The following MYBPC2 variants were observed in gnomAD, a reference collection of about 807,000 sequenced individuals.
The protein encoded by MYBPC2 is myosin binding protein C2.
MYBPC2 carries 122 observed loss-of-function variants against 137.0 expected under a neutral mutation model. That is an observed-to-expected ratio of 0.89 (90% CI 0.77 to 1.03). The LOEUF is 1.03. MYBPC2 is among the 50% of genes least tolerant of loss of function. The pLI is 0.00. For synonymous variants in MYBPC2, 626 were observed against 612.3 expected (o/e 1.02, Z -0.33); for missense variants, 1,500 against 1,534.4 (o/e 0.98, Z 0.37).
At chr19:50,433,107 G>A in intron 1 of MYBPC2, 135 bp downstream of exon 1, 1 of 1,135,680 alleles carries the variant, frequency 8.8e-7, no homozygotes, top group Non-Finnish European at 1.2e-6. Context: ...TTTGCTGTGC[G>A]GGATGGGGGT....
At chr19:50,439,930 C>T (rs936217322) in intron 7 of MYBPC2, among the ~76,000 whole-genome samples, 1 of 152,072 alleles carries the variant, frequency 6.6e-6, no homozygotes, top group Non-Finnish European at 1.5e-5. Context: ...GAAGAGGAGT[C>T]TGGGAGGAAG....
At position 50,461,600 on chromosome 19, in the gene MYBPC2, T is replaced by C. The variant is rs940606299; in HGVS notation, c.2990T>C (p.Ile997Thr). 24 of 1,613,432 alleles carry C rather than the reference T, an allele frequency of 1.5e-5. No homozygotes were observed. The African/African-American group carries it at 2.1e-4, about 14-fold the overall frequency. The change falls in exon 25 of 28, where the codon ATC becomes ACC. Residue 997 changes from isoleucine (I) to threonine (T), a missense_variant. Coordinates refer to ENST00000357701, the MANE Select transcript of MYBPC2 (RefSeq NM_004533.4). Reference sequence around the variant, plus strand: ...ACTAGCTGTACTGTGTCCGACCTTATCGTGGGCAATGAATACTATTTCCGA... The same window carrying C: ...ACTAGCTGTACTGTGTCCGACCTTACCGTGGGCAATGAATACTATTTCCGA... Reference protein sequence around the residue: ...RHTSCTVSDLIVGNEYYFRVY... With the variant: ...RHTSCTVSDLTVGNEYYFRVY...
intron 20 of MYBPC2, among the ~76,000 whole-genome samples, chr19:50,456,398 A>G (rs1332916110): frequency 2.4e-5 from 3 of 123,934 alleles, no homozygotes; most frequent in Non-Finnish European, 5.0e-5. Context: ...CCATCCATCC[A>G]TCCATCTGTC....
chr19:50,457,680 G>GTTT (rs544491551), intron 20 of MYBPC2, among the ~76,000 whole-genome samples: 4,621 of 126,380 alleles, frequency 0.037, 356 homozygotes, highest in African/African-American at 0.13. Context: ...CCTGGGGAAA[G>GTTT]TTTTTTTTTT....
chr19:50,436,753 C>A lies in MYBPC2; in HGVS notation c.463+19C>A. ...GTGGAGGGTATGCTGGTGGGGGATG[C>A]GGGAGCAAAGGGTTCTATGTCTGGG... On this transcript the variant is annotated intron_variant, in intron 5 of 27. Coordinates refer to ENST00000357701, the MANE Select transcript of MYBPC2 (RefSeq NM_004533.4). 1.2e-6 allele frequency: 2 copies of A among 1,607,032 alleles called. No individual in the cohort carries two copies. The highest frequency in any genetic ancestry group is 1.3e-5 in the African/African-American group (1 of 74,868).
Position 50,459,128 on chromosome 19 carries a change from G to A in MYBPC2, c.2613G>A (p.Gln871=). The part of the protein sequence containing the change: ...VVPFQGKPRP[Q]VVWTKGGAPL... ...CCCCGCAGGGAAAGCCCCGGCCCCAGGTGGTGTGGACCAAGGGCGGGGCCC... is the reference window on the plus strand; with the variant it reads ...CCCCGCAGGGAAAGCCCCGGCCCCAAGTGGTGTGGACCAAGGGCGGGGCCC... The change falls in exon 23 of 28, where the codon CAG becomes CAA. Residue 871 remains glutamine (Q), a synonymous_variant. Transcript: ENST00000357701. 6.5e-7 allele frequency: 1 copy of A among 1,546,338 alleles called. No homozygotes were observed. The highest frequency in any genetic ancestry group is 8.7e-7 in the Non-Finnish European group (1 of 1,146,410).
chr19:50,454,841 G>A (rs528527857), intron 18 of MYBPC2, among the ~76,000 whole-genome samples: 1 of 152,108 alleles, frequency 6.6e-6, no homozygotes, highest in East Asian at 1.9e-4. Context: ...TTTACTCGCT[G>A]GTGACCTGGG....
At chr19:50,446,818 CAAA>C (rs746953730) in intron 12 of MYBPC2, among the ~76,000 whole-genome samples, 1 of 102,478 alleles carries the variant, frequency 9.8e-6, no homozygotes, top group Non-Finnish European at 1.9e-5. Flanking sequence ...GACTCTGTCT[CAAA>C]AAAAAAAAAA....
intron 11 of MYBPC2, among the ~76,000 whole-genome samples, chr19:50,444,344 G>T (rs536984534): frequency 6.8e-6 from 1 of 146,950 alleles, no homozygotes; most frequent in Non-Finnish European, 1.5e-5. Flanking sequence ...CCATCCCATT[G>T]ACCCATTCAT....
At position 50,436,005 on chromosome 19, in the gene MYBPC2, C is replaced by T. The variant is rs375627314; in HGVS notation, c.197-7C>T. On this transcript the variant is annotated splice_polypyrimidine_tract_variant and splice_region_variant and intron_variant, in intron 3 of 27. Transcript: ENST00000357701. ...TCCCACTCTACCCTGTCACTCACCC[C>T]ATGTAGGGAAGGACGCAGTGGTCGT... is the stretch of plus-strand genomic sequence containing the variant. The T allele has an allele frequency of 1.1e-5, 18 of 1,574,600 alleles. No homozygotes were observed. In the African/African-American group the frequency reaches 2.3e-4, roughly 20 times the overall value.
Position 50,435,202 on chromosome 19 carries a change from GCC to G in MYBPC2, c.65_66del (p.Pro22GlnfsTer6). On this transcript the variant is annotated frameshift_variant, in exon 2 of 28. Coordinates refer to ENST00000357701, the MANE Select transcript of MYBPC2 (RefSeq NM_004533.4). LOFTEE classifies it high-confidence loss of function. This position sits in a 1 kb window ranked among gnomAD's most constrained non-coding sequence, Gnocchi z 4.8. ...CAAAGGCAAAGATGCCCCCAAAGGAGCCCCCAAGGAGGCTCCCCCTAAGGAGG... is the reference window on the plus strand; with the variant it reads ...CAAAGGCAAAGATGCCCCCAAAGGAGCCCAAGGAGGCTCCCCCTAAGGAGG... The part of the protein sequence containing the change: ...APKGKDAPKG[A>X]PKEAPPKEAP... 6.9e-7 allele frequency: 1 copy of G among 1,438,998 alleles called. No homozygotes were observed. The highest frequency in any genetic ancestry group is 9.7e-7 in the Non-Finnish European group (1 of 1,026,132). 89.1% of individuals were successfully genotyped at this position (1,438,998 alleles called of 1,614,324 possible). A position where few individuals can be genotyped will look rare whatever the true frequency, so the allele number is the denominator to read the frequency against.
At position 50,458,656 on chromosome 19, in the gene MYBPC2, C is replaced by A; in HGVS notation, c.2408C>A (p.Thr803Asn). 6.2e-7 allele frequency: 1 copy of A among 1,612,820 alleles called. No individual in the cohort carries two copies. Among genetic ancestry groups the A allele is most frequent in the Non-Finnish European group, 8.5e-7 (1 of 1,179,884 alleles). ...GGCTTCACCGTCAAGAATCTCCCGA[C>A]CGGAGCCAGAATCCTCTTCCGAGTA... ...RCGFTVKNLP[T>N]GARILFRVVG... Residue 803 changes from threonine to asparagine, a missense_variant, in exon 21 of 28, where the codon ACC (threonine) becomes AAC (asparagine). Transcript: ENST00000357701.
rs1382322850 is a variant in MYBPC2 at position 50,432,990 on chromosome 19, TC to T, written c.19+21del. On this transcript the variant is annotated intron_variant, in intron 1 of 27. Transcript: ENST00000357701. This position sits in a 1 kb window ranked among gnomAD's most constrained non-coding sequence, Gnocchi z 5.5. ...AAAACCAGGTGGCGCCAGGACCCCC[TC>T]CCTGTGTGGGGATGGGGCTCTTCTT... is the stretch of plus-strand genomic sequence containing the variant. 2 of 1,591,214 alleles carry T rather than the reference TC, an allele frequency of 1.3e-6. No homozygotes were observed. Among genetic ancestry groups the T allele is most frequent in the African/African-American group, 2.7e-5 (2 of 73,800 alleles).
intron 20 of MYBPC2, among the ~76,000 whole-genome samples, 195 bp downstream of exon 20, chr19:50,455,839 A>G (rs2039905322): frequency 6.6e-6 from 1 of 152,016 alleles, no homozygotes; most frequent in South Asian, 2.1e-4. Flanking sequence ...CTTCCTTTCT[A>G]CATCCATCCT....
intron 26 of MYBPC2, among the ~76,000 whole-genome samples, chr19:50,462,889 T>G (rs1346498127): frequency 1.3e-5 from 2 of 152,210 alleles, no homozygotes; most frequent in African/African-American, 4.8e-5. Flanking sequence ...AGGTAACAGC[T>G]TGTCTCGGCA....
chr19:50,444,996 G>C (rs1208196719), intron 11 of MYBPC2, among the ~76,000 whole-genome samples: 1 of 152,084 alleles, frequency 6.6e-6, no homozygotes, highest in Non-Finnish European at 1.5e-5. Flanking sequence ...GTTTGTGTAG[G>C]AGAAAGAGAT....
At chr19:50,441,888 ATAAAT>A (rs1457427080) in intron 8 of MYBPC2, among the ~76,000 whole-genome samples, 2 of 149,378 alleles carry the variant, frequency 1.3e-5, no homozygotes, top group Non-Finnish European at 2.9e-5. Flanking sequence ...ATAAAATAAA[ATAAAT>A]AAATAAAAAT....
intron 15 of MYBPC2, among the ~76,000 whole-genome samples, chr19:50,451,519 C>T (rs532165361): frequency 2.0e-4 from 28 of 138,400 alleles, no homozygotes; most frequent in African/African-American, 6.4e-4. Context: ...GGCTATCGGC[C>T]GAGAGGAGGG....
At position 50,436,167 on chromosome 19, in the gene MYBPC2, AC is replaced by A; in HGVS notation, c.345+11del. On this transcript the variant is annotated splice_region_variant and intron_variant, in intron 4 of 27. Coordinates refer to ENST00000357701, the MANE Select transcript of MYBPC2 (RefSeq NM_004533.4). ...CCACAACTCCGCCAGCAATGTGAGGACCCCGTGGGCCAGAGGGCTGGTGGAG... is the reference window on the plus strand; with the variant it reads ...CCACAACTCCGCCAGCAATGTGAGGACCCGTGGGCCAGAGGGCTGGTGGAG... 6.3e-7 allele frequency: 1 copy of A among 1,578,962 alleles called. No individual in the cohort carries two copies.
Sources: gnomAD v4.1 joint callset for allele counts (sites outside exome capture counted in the v4.1 genomes callset) on GRCh38, gnomAD v4.1.1 for gene constraint, Gnocchi (gnomAD v3.1) non-coding constraint, MANE v1.5 for transcripts, NCBI Gene and HGNC (gene_info 2026-07-23, HGNC 2026-07-21) for gene names.